Variants in LTBP1 observed in about 807,000 individuals in gnomAD.
LTBP1 encodes the protein latent-transforming growth factor beta-binding protein 1.
LTBP1 carries 129 observed loss-of-function variants against 207.6 expected under a neutral mutation model. The ratio of observed to expected loss-of-function variants is 0.62; its 90% CI spans 0.54 to 0.72. The LOEUF is 0.72. Among genes scored for constraint, LTBP1 ranks in the 30% least tolerant of loss-of-function variants. The pLI, the probability that LTBP1 is intolerant of heterozygous loss-of-function variation, is 0.00. For synonymous variants in LTBP1, 963 were observed against 833.7 expected, an observed-to-expected ratio of 1.16 and a Z score of -2.67; for missense variants, 2,281 against 2,217.2, an observed-to-expected ratio of 1.03 and a Z score of -0.58.
intron 4 of LTBP1, among the ~76,000 whole-genome samples, chr2:33,120,855 A>C (rs2081066174): frequency 6.6e-6 from 1 of 152,176 alleles, no homozygotes; most frequent in South Asian, 2.1e-4. Context: ...TTCGCAATTA[A>C]ACATCATCTT....
At position 33,168,823 on chromosome 2, in the gene LTBP1, G is replaced by C. The variant is rs548776165; in HGVS notation, c.1202-18033G>C. On this transcript the variant is annotated intron_variant, in intron 5 of 33. Coordinates refer to ENST00000404816, the MANE Select transcript of LTBP1 (RefSeq NM_206943.4). Reference sequence around the variant, plus strand: ...AGGCTATTATGTATGCTTTGGGATGGTTAATTTCCAACTCATAGTGATTTT... The same window carrying C: ...AGGCTATTATGTATGCTTTGGGATGCTTAATTTCCAACTCATAGTGATTTT... 1.5e-3 allele frequency among the ~76,000 whole-genome samples: 227 copies of C among 152,318 alleles called. 2 individuals are homozygous for C. The highest frequency in any genetic ancestry group is 5.1e-3 in the African/African-American group (213 of 41,568).
At chr2:33,223,748 T>A (rs763998534) in intron 9 of LTBP1, among the ~76,000 whole-genome samples, 6 of 151,914 alleles carry the variant, frequency 3.9e-5, no homozygotes, top group Non-Finnish European at 8.8e-5. Flanking sequence ...TGATTTGGGG[T>A]TTGGGTGTTC....
intron 9 of LTBP1, among the ~76,000 whole-genome samples, chr2:33,227,360 A>C (rs1331172802): frequency 6.6e-6 from 1 of 152,190 alleles, no homozygotes; most frequent in Non-Finnish European, 1.5e-5. Context: ...TACTCTAGGA[A>C]TTATAATGTA....
In LTBP1 at chr2:32,948,529, C is replaced by A. The variant is rs72866294; in HGVS notation, c.495-346C>A. Among the ~76,000 whole-genome samples the A allele has an allele frequency of 1.0e-2, 1,521 of 152,252 alleles. 27 individuals are homozygous for A. The highest frequency in any genetic ancestry group is 0.035 in the African/African-American group (1,449 of 41,528). ...CCTTTTTGGACAGTTCTCTCTGAAA[C>A]TCATTTCCAATTTAAAATGTTGGCC... On this transcript the variant is annotated intron_variant, in intron 1 of 33. Coordinates refer to ENST00000404816, the MANE Select transcript of LTBP1 (RefSeq NM_206943.4).
chr2:33,194,356 A>G (rs1226035175), intron 7 of LTBP1, among the ~76,000 whole-genome samples: 3 of 152,202 alleles, frequency 2.0e-5, no homozygotes, highest in Admixed American at 1.3e-4. Flanking sequence ...AAGCCAAAAT[A>G]AGCCAAAAGC....
At chr2:33,313,213 G>C (rs2094212533) in intron 23 of LTBP1, among the ~76,000 whole-genome samples, 1 of 152,198 alleles carries the variant, frequency 6.6e-6, no homozygotes, top group African/African-American at 2.4e-5. Flanking sequence ...AAGAATAGGA[G>C]AATTGTTAAG....
intron 4 of LTBP1, among the ~76,000 whole-genome samples, chr2:33,119,473 T>C (rs747725858): frequency 1.3e-5 from 2 of 152,228 alleles, no homozygotes; most frequent in African/African-American, 2.4e-5. Flanking sequence ...AGATTCCTTA[T>C]AGAAGAGTCC....
chr2:33,205,542 A>G (rs764676327), intron 7 of LTBP1, among the ~76,000 whole-genome samples: 1 of 152,188 alleles, frequency 6.6e-6, no homozygotes, highest in Non-Finnish European at 1.5e-5. Flanking sequence ...ACTTGGGTTG[A>G]TAGTGGTTCC....
rs1385990842 is a variant in LTBP1, at chr2:33,148,396, C to T, written c.1201+13436C>T. 2.0e-5 allele frequency among the ~76,000 whole-genome samples: 3 copies of T among 152,118 alleles called. No homozygotes were observed. The East Asian group carries it at 5.8e-4, about 29-fold the overall frequency. ...CATACGTTCTCTATGCTGAACTTGC[C>T]TACCTGAATTGTCCAGATTTGACTT... On this transcript the variant is annotated intron_variant, in intron 5 of 33. Transcript: ENST00000404816.
chr2:33,342,175 G>A (rs1439526882), intron 24 of LTBP1, among the ~76,000 whole-genome samples: 1 of 152,166 alleles, frequency 6.6e-6, no homozygotes, highest in African/African-American at 2.4e-5. Flanking sequence ...AGAAAAAAAG[G>A]CAGAAGATCA....
At chr2:32,992,416 G>T (rs1193817872) in intron 2 of LTBP1, among the ~76,000 whole-genome samples, 4 of 152,306 alleles carry the variant, frequency 2.6e-5, no homozygotes, top group Non-Finnish European at 5.9e-5. Flanking sequence ...GTGGACAAAA[G>T]CCCAGGGATG....
At chr2:32,971,002 TTGTGTGTGTG>T (rs56246215) in intron 2 of LTBP1, among the ~76,000 whole-genome samples, 2,757 of 142,624 alleles carry the variant, frequency 0.019, 42 homozygotes, top group Non-Finnish European at 0.027. Flanking sequence ...TCCTAGGTAT[TTGTGTGTGTG>T]TGTGTGTGTG....
intron 24 of LTBP1, among the ~76,000 whole-genome samples, chr2:33,327,724 A>G (rs529086963): frequency 6.6e-6 from 1 of 152,242 alleles, no homozygotes; most frequent in South Asian, 2.1e-4. Flanking sequence ...AATACCTGTA[A>G]CCCATGGGAA....
chr2:33,254,559 T>TTG (rs2092778810), intron 11 of LTBP1, among the ~76,000 whole-genome samples: 1 of 149,372 alleles, frequency 6.7e-6, no homozygotes. Context: ...GTTTTTTTTT[T>TTG]TTTTTTTTTA....
intron 20 of LTBP1, among the ~76,000 whole-genome samples, chr2:33,296,770 C>T (rs2093884197): frequency 6.6e-6 from 1 of 152,016 alleles, no homozygotes; most frequent in African/African-American, 2.4e-5. Context: ...GGATGCTAGT[C>T]CTGATGCGTA....
chr2:33,094,463 C>T (rs144467353), intron 3 of LTBP1, among the ~76,000 whole-genome samples: 4 of 152,236 alleles, frequency 2.6e-5, no homozygotes, highest in African/African-American at 7.2e-5. Flanking sequence ...AATCAGTTTC[C>T]TCACCTGTAG....
Position 33,354,191 on chromosome 2 carries a change from A to G in LTBP1, c.4001-6406A>G, listed in dbSNP as rs559346108. On this transcript the variant is annotated intron_variant, in intron 26 of 33. Coordinates refer to ENST00000404816, the MANE Select transcript of LTBP1 (RefSeq NM_206943.4). ...CATGTACACATTTTTTAAAGGCAGGAAGCCACATGTGACAATCAGTCAACT... is the reference window on the plus strand; with the variant it reads ...CATGTACACATTTTTTAAAGGCAGGGAGCCACATGTGACAATCAGTCAACT... Among the ~76,000 whole-genome samples, 18 of 152,250 alleles carry G rather than the reference A, an allele frequency of 1.2e-4. 1 individual carries two copies. The South Asian group carries it at 3.5e-3, about 30-fold the overall frequency.
chr2:32,991,171 G>T (rs1227861464), intron 2 of LTBP1, among the ~76,000 whole-genome samples: 1 of 152,152 alleles, frequency 6.6e-6, no homozygotes, highest in Non-Finnish European at 1.5e-5. Flanking sequence ...CGAAACAGAA[G>T]ATATGATCTT....
At chr2:33,060,435 T>G (rs2077208228) in intron 3 of LTBP1, among the ~76,000 whole-genome samples, 2 of 152,088 alleles carry the variant, frequency 1.3e-5, no homozygotes, top group South Asian at 4.1e-4. Flanking sequence ...TTGATTATTA[T>G]GGAGGACAAT....
Sources: gnomAD v4.1 joint callset for allele counts (sites outside exome capture counted in the v4.1 genomes callset) on GRCh38, gnomAD v4.1.1 for gene constraint, MANE v1.5 for transcripts, NCBI Gene and HGNC (gene_info 2026-07-23, HGNC 2026-07-21) for gene names.